Variants in PLCB4 observed in about 807,000 individuals in gnomAD.
PLCB4 encodes 1-phosphatidylinositol 4,5-bisphosphate phosphodiesterase beta-4.
A neutral mutation model predicts 178.8 loss-of-function variants in PLCB4; 77 were observed. The observed-to-expected ratio is 0.43, with a 90% CI of 0.36 to 0.52. The LOEUF is 0.52. PLCB4 is among the 20% of genes least tolerant of loss of function. PLCB4 has a pLI of 0.00. For synonymous variants in PLCB4, 496 were observed against 490.8 expected (o/e 1.01, Z -0.14); for missense variants, 1,024 against 1,453.4 (o/e 0.70, Z 4.80).
At chr20:9,221,358 A>G (rs142514369) in intron 3 of PLCB4, among the ~76,000 whole-genome samples, 9 of 152,318 alleles carry the variant, frequency 5.9e-5, no homozygotes, top group South Asian at 2.1e-4. Flanking sequence ...TCTGCATGTG[A>G]AGCAGCTTCG....
rs556666801 is a variant in PLCB4 at position 9,250,348 on chromosome 20, A to G, written c.-16+32896A>G. Among the ~76,000 whole-genome samples, 10 of 152,362 alleles carry G rather than the reference A, an allele frequency of 6.6e-5. No individual in the cohort carries two copies. In the South Asian group the frequency reaches 1.4e-3, roughly 22 times the overall value. ...ACCTTCCTTAAACTCTGTGAGCTTT[A>G]CAGCATTAAAACACTTCTAAACACA... is the stretch of plus-strand genomic sequence containing the variant. On this transcript the variant is annotated intron_variant, in intron 3 of 39. Coordinates refer to ENST00000378473, the MANE Select transcript of PLCB4 (RefSeq NM_001377142.1).
chr20:9,117,083 T>C (rs2091805818), intron 2 of PLCB4, among the ~76,000 whole-genome samples: 1 of 152,232 alleles, frequency 6.6e-6, no homozygotes, highest in Admixed American at 6.5e-5. Flanking sequence ...GTCTACAGAT[T>C]CATTTGGATT....
In PLCB4 at chr20:9,102,748, G is replaced by C. The variant is rs567528545; in HGVS notation, c.-79+6406G>C. On this transcript the variant is annotated intron_variant, in intron 2 of 39. Coordinates refer to ENST00000378473, the MANE Select transcript of PLCB4 (RefSeq NM_001377142.1). ...TAATGCCAGAGCATATTTGGGGGGG[G>C]GCTATAGCTTGAACAAAAATAAGAC... 4.6e-5 allele frequency among the ~76,000 whole-genome samples: 7 copies of C among 151,984 alleles called. No homozygotes were observed. The East Asian group carries it at 7.7e-4, about 17-fold the overall frequency.
rs576484180 is a variant in PLCB4, at chr20:9,479,218, A to C, written c.*209A>C. The C allele has an allele frequency of 4.0e-4, 222 of 561,680 alleles. No individual in the cohort carries two copies. In the Middle Eastern group the frequency reaches 5.1e-3, roughly 13 times the overall value. 34.8% of individuals were successfully genotyped at this position (561,680 alleles called of 1,614,324 possible). The stretch of plus-strand genomic sequence containing the variant: ...CAAAAATAGCTACAAATCCACAAAA[A>C]TTTACTATTCCAGTAAGGCAGAGTC... On this transcript the variant is annotated 3_prime_UTR_variant, in exon 40 of 40. Coordinates refer to ENST00000378473, the MANE Select transcript of PLCB4 (RefSeq NM_001377142.1).
intron 19 of PLCB4, 33 bp downstream of exon 19, chr20:9,395,651 C>A: frequency 1.4e-6 from 2 of 1,438,194 alleles, no homozygotes; most frequent in Non-Finnish European, 2.0e-6. Context: ...AAGTTACATG[C>A]TTTGAAAATA....
intron 35 of PLCB4, among the ~76,000 whole-genome samples, chr20:9,461,132 A>G (rs1354465311): frequency 6.6e-6 from 1 of 152,206 alleles, no homozygotes; most frequent in Non-Finnish European, 1.5e-5. Flanking sequence ...CTTCTTTTAC[A>G]TTGTTGAATA....
At chr20:9,217,901 G>C (rs564452314) in intron 3 of PLCB4, among the ~76,000 whole-genome samples, 1 of 152,064 alleles carries the variant, frequency 6.6e-6, no homozygotes, top group African/African-American at 2.4e-5. Flanking sequence ...AACTACCAGG[G>C]GATGATGTAA....
chr20:9,443,375 T>A (rs1391731069), intron 30 of PLCB4, among the ~76,000 whole-genome samples: 4 of 152,232 alleles, frequency 2.6e-5, no homozygotes, highest in Non-Finnish European at 5.9e-5. Flanking sequence ...TAGATACTTT[T>A]GTGCCTGATC....
At chr20:9,297,540 A>G (rs2094652613) in intron 3 of PLCB4, among the ~76,000 whole-genome samples, 3 of 152,202 alleles carry the variant, frequency 2.0e-5, no homozygotes, top group African/African-American at 7.2e-5. Flanking sequence ...TTAATATACA[A>G]ACTATCTTCT....
intron 12 of PLCB4, 117 bp from the exon 13 acceptor site, chr20:9,379,937 G>C: frequency 1.8e-6 from 1 of 565,834 alleles, no homozygotes; most frequent in South Asian, 2.4e-5. Flanking sequence ...TCCTATCTTT[G>C]TAATTATAAA....
At chr20:9,469,986 A>T (rs2044073524) in intron 36 of PLCB4, among the ~76,000 whole-genome samples, 3 of 152,206 alleles carry the variant, frequency 2.0e-5, no homozygotes, top group Non-Finnish European at 1.5e-5. Context: ...TTTTGGGGGA[A>T]TAATACCTAG....
chr20:9,305,787 T>A (rs949828875), intron 3 of PLCB4, among the ~76,000 whole-genome samples: 3 of 152,164 alleles, frequency 2.0e-5, no homozygotes, highest in Non-Finnish European at 4.4e-5. Flanking sequence ...AAATCCAAAT[T>A]TATTTTCCAC....
In PLCB4 at chr20:9,129,132, T is replaced by C. The variant is rs557177768; in HGVS notation, c.-79+32790T>C. On this transcript the variant is annotated intron_variant, in intron 2 of 39. Coordinates refer to ENST00000378473, the MANE Select transcript of PLCB4 (RefSeq NM_001377142.1). ...ATTGTGAATAATGCTGGTATGAACA[T>C]GGATGTGCAAATCTCTCTTCACATC... is the stretch of plus-strand genomic sequence containing the variant. 7.2e-5 allele frequency among the ~76,000 whole-genome samples: 11 copies of C among 152,316 alleles called. No individual in the cohort carries two copies. The South Asian group carries it at 2.1e-3, about 29-fold the overall frequency.
chr20:9,337,930 T>G, intron 5 of PLCB4, 78 bp from the exon 6 acceptor site: 1 of 1,024,246 alleles, frequency 9.8e-7, no homozygotes, highest in South Asian at 1.3e-5. Flanking sequence ...TCATCAGAAA[T>G]TTTTGCCAAG....
chr20:9,410,864 G>T (rs1272788100), intron 24 of PLCB4, among the ~76,000 whole-genome samples, 173 bp from the exon 25 acceptor site: 1 of 152,144 alleles, frequency 6.6e-6, no homozygotes, highest in Non-Finnish European at 1.5e-5. Context: ...GAAACATGAG[G>T]TCAATTCAAC....
chr20:9,414,808 G>T (rs755445023), intron 25 of PLCB4, among the ~76,000 whole-genome samples: 2 of 152,196 alleles, frequency 1.3e-5, no homozygotes, highest in Non-Finnish European at 2.9e-5. Context: ...AAACAAAATA[G>T]TGTAAATTAA....
chr20:9,144,900 T>G (rs1443299867), intron 2 of PLCB4, among the ~76,000 whole-genome samples: 1 of 152,016 alleles, frequency 6.6e-6, no homozygotes, highest in Non-Finnish European at 1.5e-5. Context: ...TTCTCCATGG[T>G]GTCAGTTAGG....
intron 2 of PLCB4, among the ~76,000 whole-genome samples, chr20:9,143,024 G>A (rs930146405): frequency 6.6e-6 from 1 of 152,118 alleles, no homozygotes; most frequent in African/African-American, 2.4e-5. Context: ...GCCTTTGCAC[G>A]TTCTCCCTCT....
intron 28 of PLCB4, 107 bp from the exon 29 acceptor site, chr20:9,435,453 A>G: frequency 1.5e-6 from 1 of 652,248 alleles, no homozygotes; most frequent in Non-Finnish European, 2.7e-6. Context: ...GATTATTAAC[A>G]GAAAGCACAA....
Sources: gnomAD v4.1 joint callset for allele counts (sites outside exome capture counted in the v4.1 genomes callset) on GRCh38, gnomAD v4.1.1 for gene constraint, MANE v1.5 for transcripts, NCBI Gene and HGNC (gene_info 2026-07-23, HGNC 2026-07-21) for gene names.